MAGI3: variants seen among roughly 807,000 people sequenced by gnomAD.
The protein encoded by MAGI3 is membrane-associated guanylate kinase, WW and PDZ domain-containing protein 3.
A neutral mutation model predicts 121.8 loss-of-function variants in MAGI3; 43 were observed. That is an observed-to-expected ratio of 0.35 (90% CI 0.28 to 0.46). The LOEUF (loss-of-function observed/expected upper bound fraction) is 0.46. Among genes scored for constraint, MAGI3 ranks in the 20% least tolerant of loss-of-function variants. MAGI3 has a pLI of 1.00. For synonymous variants in MAGI3, 553 were observed against 639.3 expected, an observed-to-expected ratio of 0.86 and a Z score of 2.04; for missense variants, 1,547 against 1,797.3, an observed-to-expected ratio of 0.86 and a Z score of 2.52.
intron 1 of MAGI3, among the ~76,000 whole-genome samples, chr1:113,531,865 A>G (rs1658744012): frequency 6.6e-6 from 1 of 152,166 alleles, no homozygotes; most frequent in South Asian, 2.1e-4. Context: ...ACAACTTCAT[A>G]TGTATGAGCC....
At chr1:113,548,090 A>G (rs1198564938) in intron 1 of MAGI3, among the ~76,000 whole-genome samples, 2 of 152,242 alleles carry the variant, frequency 1.3e-5, no homozygotes. Context: ...GAAATGTAAT[A>G]TTGTGGAATA....
chr1:113,451,235 T>A (rs1192116849), intron 1 of MAGI3, among the ~76,000 whole-genome samples: 1 of 152,208 alleles, frequency 6.6e-6, no homozygotes, highest in East Asian at 1.9e-4. Flanking sequence ...AATGGACTGA[T>A]AAACTTTCTA....
rs559131935 is a variant in MAGI3, at chr1:113,424,886, C to A, written c.316+33537C>A. Among the ~76,000 whole-genome samples the A allele has an allele frequency of 5.3e-5, 8 of 152,316 alleles. No homozygotes were observed. In the East Asian group the frequency reaches 1.5e-3, roughly 29 times the overall value. On this transcript the variant is annotated intron_variant, in intron 1 of 20. Coordinates refer to ENST00000307546, the MANE Select transcript of MAGI3 (RefSeq NM_001142782.2). ...TGGTGGCTCACGCCTGTAATCCCAG[C>A]ACTTTGGGGGGCCAAGGTGGGTGGA...
At chr1:113,495,999 T>C (rs538746442) in intron 1 of MAGI3, among the ~76,000 whole-genome samples, 3 of 152,332 alleles carry the variant, frequency 2.0e-5, no homozygotes, top group Non-Finnish European at 4.4e-5. Flanking sequence ...TAGTTTTTCT[T>C]TAATATGATA....
At position 113,614,675 on chromosome 1, in the gene MAGI3, A is replaced by G. The variant is rs1650351332; in HGVS notation, c.1076+17A>G. ...CTATGTTGAGTAAGTTTGTTACCTCAGTTAATATTCTCCCAAATATTTTCC... is the reference window on the plus strand; with the variant it reads ...CTATGTTGAGTAAGTTTGTTACCTCGGTTAATATTCTCCCAAATATTTTCC... On this transcript the variant is annotated intron_variant, in intron 7 of 20. Transcript: ENST00000307546. 6.4e-7 allele frequency: 1 copy of G among 1,563,840 alleles called. No individual in the cohort carries two copies. Among genetic ancestry groups the G allele is most frequent in the Non-Finnish European group, 8.8e-7 (1 of 1,141,822 alleles).
intron 1 of MAGI3, among the ~76,000 whole-genome samples, chr1:113,440,759 A>C (rs1044346983): frequency 1.6e-4 from 25 of 152,324 alleles, no homozygotes; most frequent in African/African-American, 5.5e-4. Flanking sequence ...ATGACATAGC[A>C]CTGAAAACCA....
intron 6 of MAGI3, among the ~76,000 whole-genome samples, chr1:113,603,754 A>C (rs570329382): frequency 1.9e-4 from 29 of 152,344 alleles, no homozygotes; most frequent in Admixed American, 1.8e-3. Flanking sequence ...CAATATCCAG[A>C]ATCTACAAGG....
chr1:113,516,681 G>C lies in MAGI3; in HGVS notation c.317-32834G>C, dbSNP rs545900864. ...GTAACTACCTGCCCCCAAGGTGTGG[G>C]ACATAACTCCCCACTCCTTAGGTAT... is the stretch of plus-strand genomic sequence containing the variant. On this transcript the variant is annotated intron_variant, in intron 1 of 20. Coordinates refer to ENST00000307546, the MANE Select transcript of MAGI3 (RefSeq NM_001142782.2). 2.8e-4 allele frequency among the ~76,000 whole-genome samples: 42 copies of C among 151,972 alleles called. 1 individual carries two copies. In the East Asian group the frequency reaches 7.9e-3, roughly 29 times the overall value.
At position 113,654,010 on chromosome 1, in the gene MAGI3, C is replaced by T; in HGVS notation, c.2621C>T (p.Pro874Leu). 1.9e-6 allele frequency: 3 copies of T among 1,612,772 alleles called. No individual in the cohort carries two copies. Among genetic ancestry groups the T allele is most frequent in the Non-Finnish European group, 2.5e-6 (3 of 1,179,272 alleles). The change falls in exon 15 of 21, where the codon CCT becomes CTT. Residue 874 changes from proline (P) to leucine (L), a missense_variant. Pro to Leu is a moderately conservative substitution (Grantham distance 98). Transcript: ENST00000307546. The part of the protein sequence containing the change: ...FVILTSKNKP[P>L]PGVIPHKIGR... ...ATCCTCACCTCCAAAAACAAACCAC[C>T]TCCAGGAGGTAAGGGCTATTGTATC...
intron 2 of MAGI3, among the ~76,000 whole-genome samples, chr1:113,564,920 G>C (rs916876096): frequency 2.0e-5 from 3 of 151,908 alleles, no homozygotes; most frequent in Non-Finnish European, 4.4e-5. Context: ...CACGATCTCA[G>C]CTCACTGCAA....
intron 1 of MAGI3, among the ~76,000 whole-genome samples, chr1:113,466,733 T>G (rs1417896559): frequency 6.6e-6 from 1 of 152,142 alleles, no homozygotes; most frequent in Non-Finnish European, 1.5e-5. Context: ...AATTTACTCA[T>G]TTCTTGTAGG....
rs150075647 is a variant in MAGI3, at chr1:113,627,316, T to G, written c.1360+4322T>G. Among the ~76,000 whole-genome samples the G allele has an allele frequency of 1.5e-3, 229 of 152,092 alleles. 3 individuals carry two copies. Among genetic ancestry groups the G allele is most frequent in the African/African-American group, 5.3e-3 (220 of 41,566 alleles). ...AGATACTTGATATAATTTTAATTTT[T>G]TGGAATGTTTTAAGACTTGTTCTGT... On this transcript the variant is annotated intron_variant, in intron 9 of 20. Coordinates refer to ENST00000307546, the MANE Select transcript of MAGI3 (RefSeq NM_001142782.2).
chr1:113,625,241 G>A (rs1357635954), intron 9 of MAGI3, among the ~76,000 whole-genome samples: 2 of 152,116 alleles, frequency 1.3e-5, no homozygotes, highest in Admixed American at 1.3e-4. Flanking sequence ...AATGTCATTG[G>A]TATTTTGATA....
At chr1:113,566,909 G>A (rs1660453472) in intron 2 of MAGI3, among the ~76,000 whole-genome samples, 1 of 150,966 alleles carries the variant, frequency 6.6e-6, no homozygotes, top group African/African-American at 2.4e-5. Flanking sequence ...TAAATCCAAA[G>A]TCAGCACAAA....
chr1:113,493,263 C>T (rs1656752228), intron 1 of MAGI3, among the ~76,000 whole-genome samples: 1 of 152,178 alleles, frequency 6.6e-6, no homozygotes, highest in Admixed American at 6.5e-5. Context: ...TGATCTTCAA[C>T]AAACCTGACA....
chr1:113,591,628 G>T (rs563473488), intron 5 of MAGI3, among the ~76,000 whole-genome samples: 36 of 152,180 alleles, frequency 2.4e-4, no homozygotes, highest in Non-Finnish European at 4.0e-4. Flanking sequence ...TATTGATGAG[G>T]TTATACATTT....
At chr1:113,393,871 C>T (rs766788320) in intron 1 of MAGI3, among the ~76,000 whole-genome samples, 4 of 152,210 alleles carry the variant, frequency 2.6e-5, no homozygotes, top group Non-Finnish European at 5.9e-5. Context: ...GTACTTAGCA[C>T]TCTCTTGTCT....
At chr1:113,477,224 A>G (rs1655875775) in intron 1 of MAGI3, among the ~76,000 whole-genome samples, 1 of 152,212 alleles carries the variant, frequency 6.6e-6, no homozygotes, top group Admixed American at 6.5e-5. Flanking sequence ...TAGCCCATTT[A>G]CATTTAAGGT....
chr1:113,555,855 A>G lies in MAGI3; in HGVS notation c.433+6224A>G, dbSNP rs540230079. On this transcript the variant is annotated intron_variant, in intron 2 of 20. Coordinates refer to ENST00000307546, the MANE Select transcript of MAGI3 (RefSeq NM_001142782.2). The stretch of plus-strand genomic sequence containing the variant: ...GAGTTTGAGGCTATAGTGAGCTATA[A>G]TCATGTCAGGAATGAGACCCTGTCT... Among the ~76,000 whole-genome samples the G allele has an allele frequency of 8.9e-4, 136 of 152,276 alleles. 1 individual carries two copies. Among genetic ancestry groups the G allele is most frequent in the Admixed American group, 2.7e-3 (41 of 15,294 alleles).
Sources: allele counts gnomAD v4.1 joint callset (sites outside exome capture counted in the v4.1 genomes callset), GRCh38; gene constraint gnomAD v4.1.1; transcripts MANE v1.5; gene names NCBI Gene and HGNC (gene_info 2026-07-23, HGNC 2026-07-21).